Variants in KRT13 observed in about 807,000 individuals in gnomAD.
The protein encoded by KRT13 is keratin, type I cytoskeletal 13.
A neutral mutation model predicts 40.6 loss-of-function variants in KRT13; 27 were observed. The ratio of observed to expected loss-of-function variants is 0.67; its 90% CI spans 0.49 to 0.92. The LOEUF is 0.92. KRT13 is among the 40% of genes least tolerant of loss of function. The pLI is 0.00. For synonymous variants in KRT13, 266 were observed against 240.3 expected (o/e 1.11, Z -0.99); for missense variants, 605 against 611.5 (o/e 0.99, Z 0.11).
intron 3 of KRT13, 55 bp from the exon 4 acceptor site, chr17:41,503,153 C>T: frequency 6.2e-7 from 1 of 1,609,930 alleles, no homozygotes; most frequent in Non-Finnish European, 8.5e-7. Flanking sequence ...CTCTCCTTGG[C>T]TCTGAGTGCT....
rs1410430183 is a variant in KRT13, at chr17:41,503,102, T to G, written c.736-4A>C. The G allele has an allele frequency of 1.2e-6, 2 of 1,614,056 alleles. No individual in the cohort carries two copies. The highest frequency in any genetic ancestry group is 2.2e-5 in the East Asian group (1 of 44,880). On this transcript the variant is annotated splice_polypyrimidine_tract_variant and splice_region_variant and intron_variant, in intron 3 of 7. Transcript: ENST00000246635. The stretch of plus-strand genomic sequence containing the variant: ...GGTTGCTAAATTCCTTCATCTCCTG[T>G]GGGGATGGGAAAGGAAGATGTGTGA...
chr17:41,503,528 C>A, intron 2 of KRT13, 85 bp from the exon 3 acceptor site: 1 of 1,545,024 alleles, frequency 6.5e-7, no homozygotes, highest in Non-Finnish European at 8.9e-7. Context: ...GCACGAGACT[C>A]CAGTACTTCC....
chr17:41,501,814 G>T, intron 6 of KRT13, 70 bp from the exon 7 acceptor site: 3 of 1,560,770 alleles, frequency 1.9e-6, no homozygotes, highest in South Asian at 1.2e-5. Context: ...GTTCCTCTGG[G>T]GAAGTGCCTC....
In KRT13 at chr17:41,502,590, G is replaced by A. The variant is rs199762312; in HGVS notation, c.1028C>T (p.Ala343Val). 2.0e-4 allele frequency: 317 copies of A among 1,613,464 alleles called. No individual in the cohort carries two copies. In the South Asian group the frequency reaches 2.8e-3, roughly 14 times the overall value. The change falls in exon 6 of 8, where the codon GCG (alanine) becomes GTG (valine). Residue 343 changes from alanine to valine, a missense_variant. Ala to Val is a moderately conservative substitution (Grantham distance 64). Coordinates refer to ENST00000246635, the MANE Select transcript of KRT13 (RefSeq NM_153490.3). ...IELQSQLSMK[A>V]GLENTVAETE... ...CTCTGCCACCGTGTTCTCCAGCCCC[G>A]CTTTCTGGTGGAGCGACAGACAAGA...
Position 41,505,417 on chromosome 17 carries a change from T to C in KRT13, c.134A>G (p.Tyr45Cys). The change falls in exon 1 of 8, where the codon TAT becomes TGT. Residue 45 changes from tyrosine to cysteine, a missense_variant. Transcript: ENST00000246635. ...RFVSGGSAGGYGGGVSCGFGG... is the reference protein window; with the variant it reads ...RFVSGGSAGGCGGGVSCGFGG... ...AAAACCACAGCTCACGCCGCCTCCA[T>C]AGCCCCCAGCTGATCCCCCGGACAC... 6.2e-7 allele frequency: 1 copy of C among 1,613,400 alleles called. No homozygotes were observed. The highest frequency in any genetic ancestry group is 1.3e-5 in the African/African-American group (1 of 74,960).
In KRT13 at chr17:41,505,440, C is replaced by T. The variant is rs760061507; in HGVS notation, c.111G>A (p.Val37=). 3.7e-6 allele frequency: 6 copies of T among 1,613,860 alleles called. No individual in the cohort carries two copies. The highest frequency in any genetic ancestry group is 1.6e-4 in the Middle Eastern group (1 of 6,062). Residue 37 remains valine (V), a synonymous_variant, in exon 1 of 8, where the codon GTG becomes GTA. Coordinates refer to ENST00000246635, the MANE Select transcript of KRT13 (RefSeq NM_153490.3). ...CATAGCCCCCAGCTGATCCCCCGGA[C>T]ACAAACCGAGTTGAACAGGTAGAGA... ...RGVSTCSTRF[V]SGGSAGGYGG... is the part of the protein sequence containing the mutation.
In KRT13 at chr17:41,502,508, G is replaced by T. The variant is rs147022064; in HGVS notation, c.1110C>A (p.Ile370=). 1 of 1,613,940 alleles carries T rather than the reference G, an allele frequency of 6.2e-7. No homozygotes were observed. The highest frequency in any genetic ancestry group is 8.5e-7 in the Non-Finnish European group (1 of 1,180,044). ...LQQIQGLISS[I]EAQLSELRSE... is the part of the protein sequence containing the mutation. ...TGCGGAGCTCGCTCAGCTGGGCCTC[G>T]ATGCTGCTGATGAGTCCCTGGATCT... Residue 370 remains isoleucine (I), a synonymous_variant, in exon 6 of 8, where the codon ATC becomes ATA. Coordinates refer to ENST00000246635, the MANE Select transcript of KRT13 (RefSeq NM_153490.3).
intron 7 of KRT13, 48 bp from the exon 8 acceptor site, chr17:41,501,410 C>T (rs1160104338): frequency 7.0e-7 from 1 of 1,424,892 alleles, no homozygotes; most frequent in Non-Finnish European, 9.7e-7. Flanking sequence ...AGACCCACCT[C>T]AGGACAGGGC....
chr17:41,502,784 G>A lies in KRT13; in HGVS notation c.926C>T (p.Thr309Ile), dbSNP rs1206895706. The part of the protein sequence containing the change: ...KSAELNKEVS[T>I]NTAMIQTSKT... ...GCTGGTCTGAATCATGGCAGTGTTG[G>A]TAGACACCTCCTTGTTCAGCTCTGC... Residue 309 changes from threonine (T) to isoleucine (I), a missense_variant, in exon 5 of 8, where the codon ACC (threonine) becomes ATC (isoleucine). Transcript: ENST00000246635. 1.2e-6 allele frequency: 2 copies of A among 1,614,180 alleles called. No individual in the cohort carries two copies. Among genetic ancestry groups the A allele is most frequent in the East Asian group, 2.2e-5 (1 of 44,878 alleles).
chr17:41,505,581 T>C lies in KRT13; in HGVS notation c.-31A>G, dbSNP rs1051610214. ...GAGCAGGATTGAGAGCAGGTGCAGA[T>C]AGAAGCTTGCTTGGCCTGGGCCGAG... is the stretch of plus-strand genomic sequence containing the variant. On this transcript the variant is annotated 5_prime_UTR_variant, in exon 1 of 8. Coordinates refer to ENST00000246635, the MANE Select transcript of KRT13 (RefSeq NM_153490.3). 1.4e-5 allele frequency: 22 copies of C among 1,613,534 alleles called. No homozygotes were observed. Among genetic ancestry groups the C allele is most frequent in the African/African-American group, 2.7e-5 (2 of 74,944 alleles).
In KRT13 at chr17:41,501,173, A is replaced by T; in HGVS notation, c.*83T>A. 1.0e-6 allele frequency: 1 copy of T among 1,000,112 alleles called. No homozygotes were observed. Among genetic ancestry groups the T allele is most frequent in the South Asian group, 1.4e-5 (1 of 72,572 alleles). The allele number at this position is 1,000,112 out of a possible 1,614,324, so 62.0% of individuals were successfully genotyped here. ...AGAGGGACTGAGCCTTGGGTCCAGC[A>T]GCCCCTCCTCTCTCCTGCAGGGAAC... is the stretch of plus-strand genomic sequence containing the variant. On this transcript the variant is annotated 3_prime_UTR_variant, in exon 8 of 8. Transcript: ENST00000246635.
chr17:41,501,195 G>T lies in KRT13; in HGVS notation c.*61C>A. On this transcript the variant is annotated 3_prime_UTR_variant, in exon 8 of 8. Transcript: ENST00000246635. ...AGCAGCCCCTCCTCTCTCCTGCAGG[G>T]AACTGCCGGCTCTCTCCTCCTCTGG... 1.6e-6 allele frequency: 2 copies of T among 1,244,484 alleles called. No homozygotes were observed. The highest frequency in any genetic ancestry group is 2.3e-6 in the Non-Finnish European group (2 of 873,066). The allele number at this position is 1,244,484 out of a possible 1,614,324, so 77.1% of individuals were successfully genotyped here.
intron 6 of KRT13, 68 bp from the exon 7 acceptor site, chr17:41,501,812 G>A (rs1349727771): frequency 6.4e-7 from 1 of 1,561,578 alleles, no homozygotes; most frequent in African/African-American, 1.4e-5. Flanking sequence ...CTGTTCCTCT[G>A]GGGAAGTGCC....
rs1904939504 is a variant in KRT13, at chr17:41,503,401, G to A, written c.621C>T (p.Asp207=). Residue 207 remains aspartate, a synonymous_variant, in exon 3 of 8, where the codon GAC becomes GAT. Transcript: ENST00000246635. ...CCAGCACCCGGCGCAGGCCGTTGAT[G>A]TCGGCCTCCACGCTCTGGCGCAGGG... is the stretch of plus-strand genomic sequence containing the variant. The part of the protein sequence containing the change: ...ELALRQSVEA[D]INGLRRVLDE... 1.9e-6 allele frequency: 3 copies of A among 1,614,086 alleles called. No individual in the cohort carries two copies. The African/African-American group carries it at 4.0e-5, about 22-fold the overall frequency.
Position 41,505,269 on chromosome 17 carries a change from A to G in KRT13, c.282T>C (p.Ala94=), listed in dbSNP as rs1271009948. The change falls in exon 1 of 8, where the codon GCT becomes GCC. Residue 94 remains alanine, a synonymous_variant. Transcript: ENST00000246635. ...TGCCAGTGAGGAGGCCGCCATCACA[A>G]GCACCAAAGTCAACAAAGCCACCAG... ...GFAGGFVDFG[A]CDGGLLTGNE... is the part of the protein sequence containing the mutation. The G allele has an allele frequency of 1.6e-5, 26 of 1,614,002 alleles. No homozygotes were observed. The Admixed American group carries it at 3.7e-4, about 23-fold the overall frequency.
chr17:41,505,534 T>TG lies in KRT13; in HGVS notation c.16dup (p.Gln6ProfsTer54). ...ACCTCCATAGCTGGCAGAGGAGCTC[T>TG]GCAGGCGGAGGCTCATGGTGAGAGC... On this transcript the variant is annotated frameshift_variant, in exon 1 of 8. Transcript: ENST00000246635. LOFTEE classifies it high-confidence loss of function. 6.2e-7 allele frequency: 1 copy of TG among 1,614,146 alleles called. No homozygotes were observed. Among genetic ancestry groups the TG allele is most frequent in the East Asian group, 2.2e-5 (1 of 44,904 alleles).
chr17:41,501,771 G>A lies in KRT13; in HGVS notation c.1245-27C>T, dbSNP rs762735104. On this transcript the variant is annotated intron_variant, in intron 6 of 7. Coordinates refer to ENST00000246635, the MANE Select transcript of KRT13 (RefSeq NM_153490.3). Reference sequence around the variant, plus strand: ...TGGGAGAGAGGACAGAGGTGGCCATGAGCAGAGGGTAACTGAGGGCAGGTG... The same window carrying A: ...TGGGAGAGAGGACAGAGGTGGCCATAAGCAGAGGGTAACTGAGGGCAGGTG... 6 of 1,591,876 alleles carry A rather than the reference G, an allele frequency of 3.8e-6. No homozygotes were observed. In the Admixed American group the frequency reaches 8.8e-5, roughly 23 times the overall value.
Position 41,502,966 on chromosome 17 carries a change from G to T in KRT13, c.868C>A (p.Arg290=). ...QYEAMAERNR[R]DAEEWFHTKS... The stretch of plus-strand genomic sequence containing the variant: ...GTGTGGAACCATTCCTCAGCATCCC[G>T]GCGGTTCCTCTCTGCCATGGCCTCG... The change falls in exon 4 of 8, where the codon CGG becomes AGG. Residue 290 remains arginine (R), a synonymous_variant. Transcript: ENST00000246635. The T allele has an allele frequency of 5.6e-6, 9 of 1,614,166 alleles. 1 individual carries two copies. Among genetic ancestry groups the T allele is most frequent in the Non-Finnish European group, 5.9e-6 (7 of 1,180,022 alleles).
Position 41,501,733 on chromosome 17 carries a change from A to G in KRT13, c.1256T>C (p.Phe419Ser). The G allele has an allele frequency of 1.3e-6, 2 of 1,593,464 alleles. No homozygotes were observed. The highest frequency in any genetic ancestry group is 2.3e-5 in the South Asian group (2 of 87,520). Residue 419 changes from phenylalanine (F) to serine (S), a missense_variant, in exon 7 of 8, where the codon TTC becomes TCC. By Grantham distance (155) the Phe-to-Ser change is radical. Transcript: ENST00000246635. Reference protein sequence around the residue: ...LEGQDAKMIGFPSSAGSVSPR... With the variant: ...LEGQDAKMIGSPSSAGSVSPR... ...TGTTCCCTTACCTGCTGAGGAAGGG[A>G]AACCAATCATCCTGGGAGAGAGGAC... is the stretch of plus-strand genomic sequence containing the variant.
Sources: allele counts gnomAD v4.1 joint callset, GRCh38; gene constraint gnomAD v4.1.1; transcripts MANE v1.5; gene names NCBI Gene and HGNC (gene_info 2026-07-23, HGNC 2026-07-21).